PTPRR: variants seen among roughly 807,000 people sequenced by gnomAD.
The protein encoded by PTPRR is protein tyrosine phosphatase receptor type R, also known as receptor-type tyrosine-protein phosphatase R.
A neutral mutation model predicts 77.2 loss-of-function variants in PTPRR; 38 were observed. That is an observed-to-expected ratio of 0.49 (90% CI 0.38 to 0.65). The LOEUF (loss-of-function observed/expected upper bound fraction) is 0.65. Among genes scored for constraint, PTPRR ranks in the 30% least tolerant of loss-of-function variants. The pLI, the probability that PTPRR is intolerant of heterozygous loss-of-function variation, is 0.00. For missense variants in PTPRR, 744 were observed against 799.2 expected, an observed-to-expected ratio of 0.93 and a Z score of 0.83; for synonymous variants, 299 against 283.1, an observed-to-expected ratio of 1.06 and a Z score of -0.57.
chr12:70,712,871 CCT>C lies in PTPRR; in HGVS notation c.1008-11550_1008-11549del, dbSNP rs1161230634. Among the ~76,000 whole-genome samples the C allele has an allele frequency of 4.0e-5, 6 of 150,026 alleles. No individual in the cohort carries two copies. The East Asian group carries it at 1.2e-3, about 29-fold the overall frequency. On this transcript the variant is annotated intron_variant, in intron 6 of 13. Coordinates refer to ENST00000283228, the MANE Select transcript of PTPRR (RefSeq NM_002849.4). ...AAAACTAAAGTTATATATACTCCCT[CCT>C]CTTTTTTATTGAGATCAACTTATGT...
intron 2 of PTPRR, among the ~76,000 whole-genome samples, chr12:70,861,515 G>T (rs926986850): frequency 6.6e-6 from 1 of 152,106 alleles, no homozygotes; most frequent in Admixed American, 6.6e-5. Flanking sequence ...TTATAAAAGC[G>T]TAAGAAGGAT....
chr12:70,732,256 AG>A, intron 6 of PTPRR, among the ~76,000 whole-genome samples: 2 of 152,350 alleles, frequency 1.3e-5, no homozygotes, highest in East Asian at 3.9e-4. Flanking sequence ...AGAAACCTTA[AG>A]TAGACTAAGG....
chr12:70,794,676 C>G (rs1891480076), intron 2 of PTPRR, among the ~76,000 whole-genome samples: 1 of 152,200 alleles, frequency 6.6e-6, no homozygotes, highest in Non-Finnish European at 1.5e-5. Flanking sequence ...CCTCCGACAG[C>G]TGATCAATAC....
chr12:70,733,470 C>CAAAAAAAAAAAAAAAAAAAAAAAA (rs1193950231), intron 6 of PTPRR, among the ~76,000 whole-genome samples: 1 of 74,082 alleles, frequency 1.3e-5, no homozygotes, highest in Non-Finnish European at 2.5e-5. Flanking sequence ...AAAATTATGG[C>CAAAAAAAAAAAAAAAAAAAAAAAA]AAAAAAAAAA....
At chr12:70,769,504 T>C (rs1264027084) in intron 2 of PTPRR, among the ~76,000 whole-genome samples, 1 of 152,046 alleles carries the variant, frequency 6.6e-6, no homozygotes, top group African/African-American at 2.4e-5. Context: ...CTCAATGAAA[T>C]AAAAGAGGAT....
rs574989838 is a variant in PTPRR at position 70,776,238 on chromosome 12, C to T, written c.358-11460G>A. On this transcript the variant is annotated intron_variant, in intron 2 of 13. Transcript: ENST00000283228. ...ATTCTTTACACCACCACCACGACAT[C>T]CAGTGAATAGTCAAGTTCTGTCTAT... Among the ~76,000 whole-genome samples the T allele has an allele frequency of 2.0e-4, 31 of 152,268 alleles. No individual in the cohort carries two copies. In the South Asian group the frequency reaches 4.6e-3, roughly 22 times the overall value.
chr12:70,906,199 A>G (rs1893618894), intron 1 of PTPRR, among the ~76,000 whole-genome samples: 1 of 152,018 alleles, frequency 6.6e-6, no homozygotes, highest in African/African-American at 2.4e-5. Flanking sequence ...CGTCTGTGTT[A>G]GCTCACCCCA....
intron 6 of PTPRR, among the ~76,000 whole-genome samples, chr12:70,725,725 A>G (rs1889410065): frequency 6.6e-6 from 1 of 152,152 alleles, no homozygotes; most frequent in Non-Finnish European, 1.5e-5. Flanking sequence ...AGAATTGGTT[A>G]TTTCTTTAGA....
chr12:70,797,494 T>C (rs566753543), intron 2 of PTPRR, among the ~76,000 whole-genome samples: 1 of 152,326 alleles, frequency 6.6e-6, no homozygotes, highest in South Asian at 2.1e-4. Flanking sequence ...GCCCATTTCT[T>C]TGTTTCCACA....
At chr12:70,769,483 A>G (rs1000648006) in intron 2 of PTPRR, among the ~76,000 whole-genome samples, 2 of 152,228 alleles carry the variant, frequency 1.3e-5, no homozygotes, top group African/African-American at 4.8e-5. Flanking sequence ...AAGGAGAACT[A>G]CAAACCACTG....
chr12:70,656,989 A>G (rs1886608357), intron 12 of PTPRR, among the ~76,000 whole-genome samples, 172 bp from the exon 13 acceptor site: 1 of 148,106 alleles, frequency 6.8e-6, no homozygotes, highest in South Asian at 2.3e-4. Flanking sequence ...TTTACATTTA[A>G]TTATAAGTAG....
chr12:70,871,153 T>C (rs1565725278), intron 2 of PTPRR, among the ~76,000 whole-genome samples: 1 of 152,110 alleles, frequency 6.6e-6, no homozygotes, highest in Non-Finnish European at 1.5e-5. Context: ...CCCCTTCAAT[T>C]CCATTCAAAC....
chr12:70,858,956 T>C (rs999721094), intron 2 of PTPRR, among the ~76,000 whole-genome samples: 21 of 129,152 alleles, frequency 1.6e-4, no homozygotes, highest in African/African-American at 5.1e-4. Flanking sequence ...ATTTCGCCCT[T>C]TTTTTTTTTT....
At chr12:70,880,503 G>C (rs184685890) in intron 2 of PTPRR, among the ~76,000 whole-genome samples, 136 of 151,240 alleles carry the variant, frequency 9.0e-4, no homozygotes, top group African/African-American at 3.0e-3. Context: ...ACATGGTTTT[G>C]TTTTGTTTTT....
intron 1 of PTPRR, among the ~76,000 whole-genome samples, chr12:70,916,261 A>G (rs115024076): frequency 0.01 from 1,590 of 152,258 alleles, 46 homozygotes; most frequent in South Asian, 0.097. Context: ...GGAGAAAGAA[A>G]AAAGCAAAAC....
At chr12:70,728,913 C>A (rs142556376) in intron 6 of PTPRR, among the ~76,000 whole-genome samples, 24 of 152,034 alleles carry the variant, frequency 1.6e-4, no homozygotes, top group African/African-American at 5.3e-4. Flanking sequence ...TACTACGGGG[C>A]CAAAAATGAA....
chr12:70,672,192 C>A (rs1389157292), intron 10 of PTPRR: 30 of 1,560,308 alleles, frequency 1.9e-5, no homozygotes, highest in Non-Finnish European at 2.5e-5. Context: ...CCAGTCCTAC[C>A]ATGGTTGGAA....
At position 70,746,080 on chromosome 12, in the gene PTPRR, A is replaced by G. The variant is rs35987017; in HGVS notation, c.745T>C (p.Tyr249His). 1.4e-3 allele frequency: 2,212 copies of G among 1,610,622 alleles called. 45 individuals carry two copies. The highest frequency in any genetic ancestry group is 5.9e-4 in the Admixed American group (35 of 59,748). ...VIIVTCLMIL[Y>H]RLKERFQLSL... The stretch of plus-strand genomic sequence containing the variant: ...AGCTGAAATCTTTCTTTTAATCTGT[A>G]AAGAATCTATAGAAGGAGATATAAA... The change falls in exon 6 of 14, where the codon TAC (tyrosine) becomes CAC (histidine). Residue 249 changes from tyrosine to histidine, a missense_variant. Physicochemically the swap from Tyr to His is moderately conservative, Grantham distance 83 (BLOSUM62 2). Transcript: ENST00000283228.
At chr12:70,754,394 C>A in intron 4 of PTPRR, 93 bp from the exon 5 acceptor site, 1 of 1,583,144 alleles carries the variant, frequency 6.3e-7, no homozygotes, top group East Asian at 2.3e-5. Context: ...AGCCTTATTC[C>A]ATTCAGTGTA....
Sources: allele counts gnomAD v4.1 joint callset (sites outside exome capture counted in the v4.1 genomes callset), GRCh38; gene constraint gnomAD v4.1.1; transcripts MANE v1.5; gene names NCBI Gene and HGNC (gene_info 2026-07-23, HGNC 2026-07-21).